Variants in MAGI2 observed in about 807,000 individuals in gnomAD.
The protein encoded by MAGI2 is membrane-associated guanylate kinase, WW and PDZ domain-containing protein 2.
In MAGI2, 35 loss-of-function variants were observed where a neutral mutation model predicts 133.3. The observed-to-expected ratio is 0.26, with a 90% CI of 0.20 to 0.35. The LOEUF (loss-of-function observed/expected upper bound fraction) is 0.35. Among genes scored for constraint, MAGI2 ranks in the 10% least tolerant of loss-of-function variants. MAGI2 has a pLI of 1.00. For synonymous variants in MAGI2, 729 were observed against 710.6 expected, an observed-to-expected ratio of 1.03 and a Z score of -0.41; for missense variants, 1,636 against 1,863.4, an observed-to-expected ratio of 0.88 and a Z score of 2.25.
intron 2 of MAGI2, among the ~76,000 whole-genome samples, chr7:78,786,310 T>G (rs1414223755): frequency 6.6e-6 from 1 of 152,198 alleles, no homozygotes; most frequent in African/African-American, 2.4e-5. Context: ...ATATGGATTA[T>G]AGCAGTACCC....
chr7:79,191,783 T>G (rs1484156385), intron 1 of MAGI2, among the ~76,000 whole-genome samples: 1 of 151,764 alleles, frequency 6.6e-6, no homozygotes, highest in Admixed American at 6.6e-5. Flanking sequence ...CATACTCCCC[T>G]TTTCTAGTAT....
intron 3 of MAGI2, chr7:78,614,629 G>A (rs1806870195): frequency 6.6e-6 from 1 of 152,074 alleles, no homozygotes; most frequent in Non-Finnish European, 1.5e-5. Flanking sequence ...AACATTGTCA[G>A]GTTTGTTTGC....
intron 6 of MAGI2, among the ~76,000 whole-genome samples, chr7:78,371,998 G>A (rs1793963413): frequency 6.6e-6 from 1 of 152,008 alleles, no homozygotes; most frequent in African/African-American, 2.4e-5. Flanking sequence ...ACCAATAGCA[G>A]ATACACGCAT....
At chr7:79,316,490 T>C (rs1325138387) in intron 1 of MAGI2, among the ~76,000 whole-genome samples, 1 of 152,242 alleles carries the variant, frequency 6.6e-6, no homozygotes, top group Non-Finnish European at 1.5e-5. Context: ...CATATGTATA[T>C]ATTCATACGC....
intron 13 of MAGI2, among the ~76,000 whole-genome samples, chr7:78,181,467 C>T (rs1489331267): frequency 6.6e-6 from 1 of 152,184 alleles, no homozygotes; most frequent in Admixed American, 6.5e-5. Context: ...CTGTCAGAGA[C>T]ACTCTCAGGT....
At chr7:78,737,201 C>G (rs573960839) in intron 2 of MAGI2, among the ~76,000 whole-genome samples, 27 of 152,184 alleles carry the variant, frequency 1.8e-4, no homozygotes, top group African/African-American at 6.3e-4. Context: ...ATAAGCTTCC[C>G]AATATATAAA....
intron 3 of MAGI2, among the ~76,000 whole-genome samples, chr7:78,546,287 A>G (rs1584575785): frequency 6.6e-6 from 1 of 152,278 alleles, no homozygotes; most frequent in African/African-American, 2.4e-5. Context: ...TACCTCTGCT[A>G]CCACCACCAC....
chr7:78,650,807 C>T (rs574595207), intron 2 of MAGI2, among the ~76,000 whole-genome samples: 37 of 152,214 alleles, frequency 2.4e-4, no homozygotes, highest in Admixed American at 1.6e-3. Context: ...AAATTAAGTG[C>T]TACTCGGCTG....
chr7:78,326,827 C>A (rs1214906578), intron 9 of MAGI2, among the ~76,000 whole-genome samples: 1 of 152,176 alleles, frequency 6.6e-6, no homozygotes, highest in Non-Finnish European at 1.5e-5. Flanking sequence ...CCTTCCTCCT[C>A]CGTGGAGAGG....
intron 3 of MAGI2, among the ~76,000 whole-genome samples, chr7:78,533,035 G>A (rs575800011): frequency 5.3e-5 from 8 of 151,700 alleles, no homozygotes; most frequent in Admixed American, 1.3e-4. Context: ...TCTGCCTCCC[G>A]GGTTCATGCC....
At chr7:78,531,981 T>C (rs766986327) in intron 3 of MAGI2, among the ~76,000 whole-genome samples, 2 of 152,288 alleles carry the variant, frequency 1.3e-5, no homozygotes, top group Non-Finnish European at 2.9e-5. Flanking sequence ...AGAAATTTCA[T>C]TTCTCCTTGA....
chr7:79,326,339 G>GA (rs1839693801), intron 1 of MAGI2, among the ~76,000 whole-genome samples: 2 of 152,000 alleles, frequency 1.3e-5, no homozygotes, highest in African/African-American at 4.8e-5. Flanking sequence ...CCTGGCTTAA[G>GA]AAAAAAACTA....
chr7:79,425,277 G>A (rs545298924), intron 1 of MAGI2, among the ~76,000 whole-genome samples: 2 of 150,612 alleles, frequency 1.3e-5, no homozygotes, highest in Admixed American at 1.3e-4. Flanking sequence ...AAAGTCTGAT[G>A]TTCCCCCTCT....
chr7:78,611,715 T>G (rs1324879265), intron 3 of MAGI2, among the ~76,000 whole-genome samples: 1 of 152,212 alleles, frequency 6.6e-6, no homozygotes, highest in African/African-American at 2.4e-5. Context: ...ACAATTCCAT[T>G]AGACAATCAC....
At chr7:79,315,982 G>A (rs1009986962) in intron 1 of MAGI2, among the ~76,000 whole-genome samples, 14 of 152,168 alleles carry the variant, frequency 9.2e-5, no homozygotes, top group African/African-American at 3.4e-4. Context: ...ATGGCCCTGG[G>A]CAAGTTATTT....
chr7:79,167,237 T>G (rs1825024472), intron 1 of MAGI2, among the ~76,000 whole-genome samples: 1 of 151,830 alleles, frequency 6.6e-6, no homozygotes, highest in South Asian at 2.1e-4. Flanking sequence ...TCCTTTTGTT[T>G]TAGTTCCTTA....
At chr7:78,837,048 CCTGT>C (rs1791691668) in intron 2 of MAGI2, among the ~76,000 whole-genome samples, 1 of 152,054 alleles carries the variant, frequency 6.6e-6, no homozygotes, top group South Asian at 2.1e-4. Context: ...TTTCAAAATG[CCTGT>C]CTAAGGTGGA....
At chr7:78,619,938 T>G (rs1807546676) in intron 3 of MAGI2, among the ~76,000 whole-genome samples, 1 of 151,902 alleles carries the variant, frequency 6.6e-6, no homozygotes. Flanking sequence ...AATAGAAATA[T>G]TACCAGAAAC....
chr7:79,250,785 C>T (rs1833188593), intron 1 of MAGI2, among the ~76,000 whole-genome samples: 1 of 152,006 alleles, frequency 6.6e-6, no homozygotes, highest in Non-Finnish European at 1.5e-5. Flanking sequence ...CTAGAATAGT[C>T]AAAGCTATCT....
Sources: gnomAD v4.1 joint callset for allele counts (sites outside exome capture counted in the v4.1 genomes callset) on GRCh38, gnomAD v4.1.1 for gene constraint, MANE v1.5 for transcripts, NCBI Gene and HGNC (gene_info 2026-07-23, HGNC 2026-07-21) for gene names.